BCL2L13: variants seen among roughly 807,000 people sequenced by gnomAD.
BCL2L13 encodes the protein BCL2 like 13.
BCL2L13 carries 13 observed loss-of-function variants against 25.8 expected under a neutral mutation model. The observed-to-expected ratio is 0.50, with a 90% CI of 0.33 to 0.80. The LOEUF (loss-of-function observed/expected upper bound fraction) is 0.80. Ranked by LOEUF, BCL2L13 falls within the 30% of genes least tolerant of loss-of-function variation. The pLI, the probability that BCL2L13 is intolerant of heterozygous loss-of-function variation, is 0.02. For synonymous variants in BCL2L13, 244 were observed against 230.3 expected (o/e 1.06, Z -0.54); for missense variants, 504 against 574.9 (o/e 0.88, Z 1.26).
chr22:17,646,201 A>G (rs1213284438), intron 1 of BCL2L13, among the ~76,000 whole-genome samples: 2 of 151,578 alleles, frequency 1.3e-5, no homozygotes, highest in Non-Finnish European at 2.9e-5. Flanking sequence ...CAGGTGGGTT[A>G]CATATTATGT....
At chr22:17,679,986 G>A (rs1470968412) in intron 2 of BCL2L13, among the ~76,000 whole-genome samples, 1 of 151,770 alleles carries the variant, frequency 6.6e-6, no homozygotes, top group African/African-American at 2.4e-5. Flanking sequence ...GCTGGGGCGG[G>A]CGGATTACCT....
Position 17,730,328 on chromosome 22 carries a change from C to T in BCL2L13, c.*2794C>T, listed in dbSNP as rs1190819708. 1 of 152,088 alleles carries T rather than the reference C, an allele frequency of 6.6e-6. No homozygotes were observed. Among genetic ancestry groups the T allele is most frequent in the Non-Finnish European group, 1.5e-5 (1 of 68,034 alleles). The allele number at this position is 152,088 out of a possible 1,614,324, so 9.4% of individuals were successfully genotyped here. On this transcript the variant is annotated 3_prime_UTR_variant, in exon 7 of 7. Coordinates refer to ENST00000317582, the MANE Select transcript of BCL2L13 (RefSeq NM_015367.4). Reference sequence around the variant, plus strand: ...TTGACCTTCTGGTTCACCCATCTCCCCCTCGAGGCATTCTTGATACCCCTT... The same window carrying T: ...TTGACCTTCTGGTTCACCCATCTCCTCCTCGAGGCATTCTTGATACCCCTT...
At chr22:17,715,120 TTTTATATATATATATA>T (rs1344018287) in intron 6 of BCL2L13, among the ~76,000 whole-genome samples, 21 of 83,606 alleles carry the variant, frequency 2.5e-4, no homozygotes, top group African/African-American at 8.2e-4. Flanking sequence ...TCAGTGTTAA[TTTTATATATATATATA>T]TATATATATA....
intron 1 of BCL2L13, among the ~76,000 whole-genome samples, chr22:17,649,833 T>A (rs1436557531): frequency 6.7e-6 from 1 of 150,294 alleles, no homozygotes; most frequent in Non-Finnish European, 1.5e-5. Context: ...CTTAGATTGT[T>A]ATTAATTTTA....
intron 2 of BCL2L13, among the ~76,000 whole-genome samples, chr22:17,658,115 C>T (rs1264438862): frequency 2.6e-5 from 4 of 151,018 alleles, no homozygotes; most frequent in African/African-American, 4.9e-5. Context: ...CCACCACGCC[C>T]GGCCGACATT....
chr22:17,719,153 CAAAAAAAAAA>C (rs59630355), intron 6 of BCL2L13, among the ~76,000 whole-genome samples: 2 of 45,496 alleles, frequency 4.4e-5, no homozygotes, highest in African/African-American at 1.7e-4. Context: ...GGCTCTGTCT[CAAAAAAAAAA>C]AAAAAAAAAA....
At chr22:17,713,460 ATTTT>A (rs34378723) in intron 6 of BCL2L13, among the ~76,000 whole-genome samples, 3 of 132,204 alleles carry the variant, frequency 2.3e-5, no homozygotes, top group African/African-American at 2.8e-5. Context: ...TTGAAAATGC[ATTTT>A]TTTTTTTTTT....
intron 3 of BCL2L13, 140 bp from the exon 4 acceptor site, chr22:17,688,846 C>T (rs1346476214): frequency 4.9e-6 from 3 of 613,482 alleles, no homozygotes; most frequent in Non-Finnish European, 4.8e-6. Flanking sequence ...TGGCTCACCA[C>T]AACCTCTGCC....
At chr22:17,649,237 A>G (rs1052908713) in intron 1 of BCL2L13, among the ~76,000 whole-genome samples, 3 of 151,884 alleles carry the variant, frequency 2.0e-5, no homozygotes, top group African/African-American at 7.3e-5. Flanking sequence ...GGCTGGTATT[A>G]TAGGCGCACG....
chr22:17,643,943 C>A (rs1217890390), intron 1 of BCL2L13, among the ~76,000 whole-genome samples: 1 of 151,288 alleles, frequency 6.6e-6, no homozygotes, highest in South Asian at 2.1e-4. Flanking sequence ...GAATCTCACT[C>A]TGTTGTCCAG....
At chr22:17,631,698 ATATATATATTTT>A (rs2058029671) in intron 1 of BCL2L13, among the ~76,000 whole-genome samples, 8 of 28,858 alleles carry the variant, frequency 2.8e-4, no homozygotes, top group African/African-American at 5.7e-4. Context: ...ATATATATAT[ATATATATATTTT>A]TTTTTTTTTT....
intron 1 of BCL2L13, among the ~76,000 whole-genome samples, chr22:17,650,990 C>G (rs1483296519): frequency 1.7e-5 from 2 of 117,954 alleles, no homozygotes; most frequent in Non-Finnish European, 3.5e-5. Flanking sequence ...TCCATTCACT[C>G]CTTTTTTTTT....
chr22:17,698,492 G>A (rs1312506258), intron 5 of BCL2L13, among the ~76,000 whole-genome samples: 1 of 149,924 alleles, frequency 6.7e-6, no homozygotes, highest in Non-Finnish European at 1.5e-5. Flanking sequence ...AGGCCAAGGC[G>A]GGAGGATCAC....
At chr22:17,689,949 A>G (rs1214059784) in intron 4 of BCL2L13, among the ~76,000 whole-genome samples, 1 of 152,140 alleles carries the variant, frequency 6.6e-6, no homozygotes, top group Non-Finnish European at 1.5e-5. Flanking sequence ...ATTCTTATAG[A>G]AGGAACTTCT....
At position 17,693,368 on chromosome 22, in the gene BCL2L13, GTTTGTTTTTTTTTTT is replaced by G. The variant is rs1207017950; in HGVS notation, c.387-2769_387-2755del. The stretch of plus-strand genomic sequence containing the variant: ...TTATTTATTTATTTATTTATTTAGT[GTTTGTTTTTTTTTTT>G]TTTTTTTTTTTTTGGAGACGGAGTC... On this transcript the variant is annotated intron_variant, in intron 4 of 6. Coordinates refer to ENST00000317582, the MANE Select transcript of BCL2L13 (RefSeq NM_015367.4). Among the ~76,000 whole-genome samples, 109 of 112,236 alleles carry G rather than the reference GTTTGTTTTTTTTTTT, an allele frequency of 9.7e-4. 1 individual carries two copies. The highest frequency in any genetic ancestry group is 4.1e-3 in the African/African-American group (106 of 25,604). 73.6% of individuals were successfully genotyped at this position (112,236 alleles called of 152,430 possible).
upstream of BCL2L13, among the ~76,000 whole-genome samples, chr22:17,634,960 GA>G (rs60698908): frequency 0.18 from 18,498 of 101,818 alleles, 1,084 homozygotes; most frequent in Middle Eastern, 0.33. Flanking sequence ...GTCTCAAAAG[GA>G]AAAAAAAAAA....
intron 2 of BCL2L13, among the ~76,000 whole-genome samples, chr22:17,666,212 T>TATTTTTA: frequency 6.6e-6 from 1 of 152,050 alleles, no homozygotes; most frequent in African/African-American, 2.4e-5. Context: ...TTTTATTTTT[T>TATTTTTA]ATTTTTTTAA....
intron 1 of BCL2L13, among the ~76,000 whole-genome samples, 170 bp downstream of exon 1, chr22:17,639,056 G>A (rs1027363284): frequency 3.3e-5 from 5 of 152,296 alleles, no homozygotes; most frequent in Admixed American, 2.6e-4. Flanking sequence ...GAAGGTGCTC[G>A]GAGCTTAGGG....
intron 1 of BCL2L13, among the ~76,000 whole-genome samples, chr22:17,654,435 T>A (rs1458799669): frequency 7.6e-6 from 1 of 131,814 alleles, no homozygotes; most frequent in Non-Finnish European, 1.6e-5. Flanking sequence ...TCTTCTGTTT[T>A]TTTTTGAGAT....
Sources: gnomAD v4.1 joint callset for allele counts (sites outside exome capture counted in the v4.1 genomes callset) on GRCh38, gnomAD v4.1.1 for gene constraint, MANE v1.5 for transcripts, NCBI Gene and HGNC (gene_info 2026-07-23, HGNC 2026-07-21) for gene names.